CAST: variants seen among roughly 807,000 people sequenced by gnomAD.
CAST encodes the protein MIR583 host.
In CAST, 76 loss-of-function variants were observed where a neutral mutation model predicts 119.6. That is an observed-to-expected ratio of 0.64 (90% CI 0.53 to 0.77). The LOEUF (loss-of-function observed/expected upper bound fraction) is 0.77, where lower values mean the gene tolerates loss of function less well. Ranked by LOEUF, CAST falls within the 30% of genes least tolerant of loss-of-function variation. The probability of loss-of-function intolerance (pLI) is 0.00; values close to 1 mark genes in which losing one functional copy is unlikely to be tolerated. For missense variants in CAST, 953 were observed against 946.5 expected, an observed-to-expected ratio of 1.01 and a Z score of -0.09; for synonymous variants, 319 against 331.6, an observed-to-expected ratio of 0.96 and a Z score of 0.41.
chr5:96,376,313 G>A, the CAST span, among the ~76,000 whole-genome samples: 10 of 151,852 alleles, frequency 6.6e-5, no homozygotes, highest in Non-Finnish European at 1.2e-4. Context: ...ACTACTGTGC[G>A]TCCAGTGGTA....
At chr5:96,387,021 G>A in the CAST span, among the ~76,000 whole-genome samples, 3 of 152,072 alleles carry the variant, frequency 2.0e-5, no homozygotes, top group Non-Finnish European at 4.4e-5. Flanking sequence ...TTACTTCTCT[G>A]CATTATCTTA....
chr5:96,357,984 A>G, the CAST span, among the ~76,000 whole-genome samples: 1 of 152,128 alleles, frequency 6.6e-6, no homozygotes, highest in Non-Finnish European at 1.5e-5. Context: ...TTGGTAGGCT[A>G]TTAATTACTG....
chr5:96,259,133 A>G, the CAST span, among the ~76,000 whole-genome samples: 2 of 152,232 alleles, frequency 1.3e-5, no homozygotes, highest in African/African-American at 4.8e-5. Flanking sequence ...TGGTCGACAC[A>G]GCTGTACATG....
intron 25 of CAST, chr5:96,763,045 G>T (rs76641636): frequency 0.069 from 51,032 of 744,538 alleles, 2,173 homozygotes; most frequent in Middle Eastern, 0.13. Flanking sequence ...TAAAGGGATT[G>T]CCCTAAACCA....
chr5:96,660,379 A>G (rs1020306437), upstream of CAST, among the ~76,000 whole-genome samples: 1 of 152,242 alleles, frequency 6.6e-6, no homozygotes, highest in South Asian at 2.1e-4. Flanking sequence ...AATGCCATAT[A>G]ACTTCAGCTA....
At chr5:96,423,541 C>T in the CAST span, 1 of 1,264,128 alleles carries the variant, frequency 7.9e-7, no homozygotes, top group South Asian at 1.2e-5. Flanking sequence ...AACCTGGAGA[C>T]CCATCTTTCT....
chr5:96,433,417 G>C, the CAST span: 2 of 346,884 alleles, frequency 5.8e-6, no homozygotes, highest in Middle Eastern at 9.8e-4. Flanking sequence ...GGAAGGAACT[G>C]TTTGCTGGGA....
At chr5:96,645,231 T>C (rs1027387772) in intron 1 of CAST, among the ~76,000 whole-genome samples, 1 of 152,196 alleles carries the variant, frequency 6.6e-6, no homozygotes, top group Non-Finnish European at 1.5e-5. Flanking sequence ...GTTTTTCTCA[T>C]GAGTAGGCTG....
the CAST span, among the ~76,000 whole-genome samples, chr5:96,110,220 G>A: frequency 6.6e-6 from 1 of 152,108 alleles, no homozygotes; most frequent in Non-Finnish European, 1.5e-5. Context: ...GCTGGTTCTG[G>A]GAAGTTTTAT....
intron 3 of CAST, among the ~76,000 whole-genome samples, chr5:96,702,572 C>T (rs1754050298): frequency 6.6e-6 from 1 of 152,196 alleles, no homozygotes; most frequent in Non-Finnish European, 1.5e-5. Context: ...AGGGTGACAG[C>T]CGAGGGAGCG....
intron 2 of CAST, among the ~76,000 whole-genome samples, chr5:96,695,504 T>C (rs566805190): frequency 2.0e-5 from 3 of 152,338 alleles, no homozygotes; most frequent in Non-Finnish European, 4.4e-5. Context: ...TCACCCTGCA[T>C]AGACATTGTA....
chr5:96,166,412 C>G, the CAST span, among the ~76,000 whole-genome samples: 2 of 152,056 alleles, frequency 1.3e-5, no homozygotes, highest in Admixed American at 6.6e-5. Flanking sequence ...CAGAATGAGC[C>G]TACTTCAGCA....
At chr5:96,449,642 G>T in the CAST span, among the ~76,000 whole-genome samples, 3 of 152,152 alleles carry the variant, frequency 2.0e-5, no homozygotes, top group Non-Finnish European at 2.9e-5. Flanking sequence ...TTTTTGCTTA[G>T]TTTTCTATGT....
chr5:96,551,350 C>G (rs186925617), intron 1 of CAST, among the ~76,000 whole-genome samples: 1 of 152,148 alleles, frequency 6.6e-6, no homozygotes, highest in Non-Finnish European at 1.5e-5. Flanking sequence ...CAAAATCCTT[C>G]GCAGACAAGC....
intron 1 of CAST, among the ~76,000 whole-genome samples, chr5:96,556,859 T>C (rs1235544982): frequency 6.6e-6 from 1 of 152,020 alleles, no homozygotes; most frequent in African/African-American, 2.4e-5. Flanking sequence ...ATACAGAGAA[T>C]GCCACAAAGA....
At chr5:96,355,173 C>G in the CAST span, among the ~76,000 whole-genome samples, 1 of 151,852 alleles carries the variant, frequency 6.6e-6, no homozygotes, top group African/African-American at 2.4e-5. Flanking sequence ...AATGCTATCC[C>G]TCCCCTAGCC....
chr5:96,530,011 G>T (rs1056878286), intron 1 of CAST: 1 of 197,936 alleles, frequency 5.1e-6, no homozygotes, highest in South Asian at 6.7e-5. Context: ...CCAGCACCAC[G>T]CTAGTGTTGG....
chr5:96,763,999 T>C (rs1768931503), intron 25 of CAST, among the ~76,000 whole-genome samples: 1 of 151,072 alleles, frequency 6.6e-6, no homozygotes, highest in Admixed American at 6.6e-5. Context: ...CTGAGAACCA[T>C]TGTGGGCATC....
Position 96,765,319 on chromosome 5 carries a change from A to G in CAST, c.2031A>G (p.Lys677=). ...DPDENKPMED[K]VKEKAKAEHR... is the part of the protein sequence containing the mutation. ...ATGAGAACAAACCAATGGAAGATAA[A>G]GTAAAGGTAAAAAAAAAAAAAAAAA... The change falls in exon 26 of 32, where the codon AAA becomes AAG. Residue 677 remains lysine (K), a synonymous_variant. Transcript: ENST00000675179. 7.5e-7 allele frequency: 1 copy of G among 1,328,468 alleles called. No individual in the cohort carries two copies. The highest frequency in any genetic ancestry group is 1.0e-6 in the Non-Finnish European group (1 of 956,376). 82.3% of individuals were successfully genotyped at this position (1,328,468 alleles called of 1,614,324 possible).
Sources: allele counts gnomAD v4.1 joint callset (sites outside exome capture counted in the v4.1 genomes callset), GRCh38; gene constraint gnomAD v4.1.1; transcripts MANE v1.5; gene names NCBI Gene and HGNC (gene_info 2026-07-23, HGNC 2026-07-21).